DDAH1: variants seen among roughly 807,000 people sequenced by gnomAD.
The protein encoded by DDAH1 is N(G),N(G)-dimethylarginine dimethylaminohydrolase 1.
DDAH1 carries 19 observed loss-of-function variants against 28.8 expected under a neutral mutation model. That is an observed-to-expected ratio of 0.66 (90% CI 0.46 to 0.97). The LOEUF (loss-of-function observed/expected upper bound fraction) is 0.97. Among genes scored for constraint, DDAH1 ranks in the 50% least tolerant of loss-of-function variants. DDAH1 has a pLI of 0.00. For missense variants in DDAH1, 326 were observed against 375.9 expected, an observed-to-expected ratio of 0.87 and a Z score of 1.10; for synonymous variants, 153 against 154.4, an observed-to-expected ratio of 0.99 and a Z score of 0.07.
chr1:85,499,630 G>A (rs543321946), intron 1 of DDAH1, among the ~76,000 whole-genome samples: 37 of 150,242 alleles, frequency 2.5e-4, no homozygotes, highest in African/African-American at 6.1e-4. Context: ...AGCCAAGATC[G>A]CACCACTGCA....
At chr1:85,472,727 CT>C (rs1306363694) in intron 2 of DDAH1, among the ~76,000 whole-genome samples, 1 of 151,960 alleles carries the variant, frequency 6.6e-6, no homozygotes, top group African/African-American at 2.4e-5. Flanking sequence ...TTGCTCCAAA[CT>C]TTTTTTTAGA....
intron 1 of DDAH1, among the ~76,000 whole-genome samples, chr1:85,383,180 A>G (rs1651084765): frequency 6.6e-6 from 1 of 152,248 alleles, no homozygotes; most frequent in Non-Finnish European, 1.5e-5. Flanking sequence ...TTTGGAAAGG[A>G]TTAATCATTC....
At chr1:85,425,236 T>C (rs1171165740) in intron 1 of DDAH1, among the ~76,000 whole-genome samples, 1 of 152,100 alleles carries the variant, frequency 6.6e-6, no homozygotes, top group Non-Finnish European at 1.5e-5. Context: ...TCAAAGACAA[T>C]CCATCACTTC....
chr1:85,368,663 C>G (rs1234589618), intron 1 of DDAH1, among the ~76,000 whole-genome samples: 1 of 152,102 alleles, frequency 6.6e-6, no homozygotes, highest in Non-Finnish European at 1.5e-5. Flanking sequence ...GATTTATCAC[C>G]AAATACCAAA....
intron 1 of DDAH1, among the ~76,000 whole-genome samples, chr1:85,443,970 T>C (rs1654321075): frequency 6.6e-6 from 1 of 152,112 alleles, no homozygotes; most frequent in Non-Finnish European, 1.5e-5. Context: ...ACAGGGACAA[T>C]TTGACTTCCT....
intron 1 of DDAH1, among the ~76,000 whole-genome samples, chr1:85,570,034 C>T (rs1361138499): frequency 6.6e-6 from 1 of 152,186 alleles, no homozygotes; most frequent in Non-Finnish European, 1.5e-5. Flanking sequence ...TGATCACAAA[C>T]ATTTGGAGGG....
intron 1 of DDAH1, among the ~76,000 whole-genome samples, chr1:85,367,065 T>C (rs1463358393): frequency 6.6e-6 from 1 of 152,196 alleles, no homozygotes; most frequent in Admixed American, 6.5e-5. Flanking sequence ...TTCCCTAAGT[T>C]GGACTGAGCT....
intron 4 of DDAH1, among the ~76,000 whole-genome samples, chr1:85,326,670 A>G (rs761409800): frequency 9.2e-5 from 14 of 152,228 alleles, no homozygotes; most frequent in Non-Finnish European, 5.9e-5. Context: ...AGTACCATTA[A>G]TTCTTTTCTT....
intron 2 of DDAH1, among the ~76,000 whole-genome samples, chr1:85,492,976 C>T (rs1182706819): frequency 2.6e-5 from 4 of 152,160 alleles, no homozygotes; most frequent in South Asian, 2.1e-4. Flanking sequence ...GCATATGTCA[C>T]GAAGGGTTGC....
upstream of DDAH1, among the ~76,000 whole-genome samples, chr1:85,466,042 C>G (rs139837192): frequency 6.6e-6 from 1 of 152,210 alleles, no homozygotes; most frequent in East Asian, 1.9e-4. Context: ...GGCCAAGGCC[C>G]AGGCTACAGC....
chr1:85,418,307 A>G (rs1652975404), intron 1 of DDAH1, among the ~76,000 whole-genome samples: 1 of 152,266 alleles, frequency 6.6e-6, no homozygotes, highest in Non-Finnish European at 1.5e-5. Flanking sequence ...AAGTGAAAAC[A>G]TGAAAGGTTA....
intron 1 of DDAH1, among the ~76,000 whole-genome samples, chr1:85,446,847 T>C (rs1654449979): frequency 1.3e-5 from 2 of 152,124 alleles, no homozygotes; most frequent in South Asian, 4.1e-4. Context: ...TCTTCCTATT[T>C]GCCCCTTTTC....
intron 1 of DDAH1, among the ~76,000 whole-genome samples, chr1:85,528,039 G>A (rs552733736): frequency 0.013 from 2,049 of 151,790 alleles, 53 homozygotes; most frequent in African/African-American, 0.047. Flanking sequence ...CATATTTATT[G>A]TGTAATATGG....
intron 1 of DDAH1, among the ~76,000 whole-genome samples, chr1:85,531,905 T>C (rs1481585677): frequency 6.6e-6 from 1 of 151,672 alleles, no homozygotes; most frequent in Non-Finnish European, 1.5e-5. Flanking sequence ...GGGCTGGAAT[T>C]TAGACTACTA....
intron 1 of DDAH1, among the ~76,000 whole-genome samples, chr1:85,518,799 A>G (rs1370006260): frequency 3.9e-5 from 6 of 152,210 alleles, no homozygotes; most frequent in Non-Finnish European, 7.3e-5. Flanking sequence ...CCATTATTCT[A>G]TCTGCCACTC....
intron 1 of DDAH1, among the ~76,000 whole-genome samples, chr1:85,571,040 A>T (rs1659439753): frequency 6.6e-6 from 1 of 152,190 alleles, no homozygotes. Context: ...ATCCTGGACA[A>T]GTTGCTTAAC....
At chr1:85,337,687 C>T (rs1218892663) in intron 4 of DDAH1, among the ~76,000 whole-genome samples, 3 of 152,154 alleles carry the variant, frequency 2.0e-5, no homozygotes, top group African/African-American at 2.4e-5. Context: ...CTCCTGACCT[C>T]GTGATCCACC....
intron 1 of DDAH1, among the ~76,000 whole-genome samples, chr1:85,419,118 C>T (rs1046237380): frequency 2.0e-5 from 3 of 152,024 alleles, no homozygotes; most frequent in Non-Finnish European, 4.4e-5. Flanking sequence ...ATTGCTTTTC[C>T]TAGGAAAAAG....
Position 85,472,732 on chromosome 1 carries a change from T to G in DDAH1, c.-7+23434A>C, listed in dbSNP as rs188359939. The stretch of plus-strand genomic sequence containing the variant: ...GAGGTGAGTGTTGCTCCAAACTTTT[T>G]TTTAGATTCAGCGGGTACATGTGCG... On this transcript the variant is annotated intron_variant, in intron 2 of 6. Transcript: ENST00000426972. 5.9e-4 allele frequency among the ~76,000 whole-genome samples: 90 copies of G among 152,310 alleles called. No individual in the cohort carries two copies. The Middle Eastern group carries it at 0.01, about 17-fold the overall frequency.
Sources: allele counts gnomAD v4.1 joint callset (sites outside exome capture counted in the v4.1 genomes callset), GRCh38; gene constraint gnomAD v4.1.1; transcripts MANE v1.5; gene names NCBI Gene and HGNC (gene_info 2026-07-23, HGNC 2026-07-21).